Variants in RNF213 observed in about 807,000 individuals in gnomAD.
RNF213 encodes ring finger protein 213, also known as E3 ubiquitin-protein ligase RNF213.
RNF213 carries 341 observed loss-of-function variants against 514.4 expected under a neutral mutation model. That is an observed-to-expected ratio of 0.66 (90% CI 0.61 to 0.73). RNF213 has a LOEUF of 0.73. Ranked by LOEUF, RNF213 falls within the 30% of genes least tolerant of loss-of-function variation. The probability of loss-of-function intolerance (pLI) is 0.00; values close to 1 mark genes in which losing one functional copy is unlikely to be tolerated. For synonymous variants in RNF213, 2,655 were observed against 2,658.2 expected (o/e 1.00, Z 0.04); for missense variants, 5,767 against 6,615.6 (o/e 0.87, Z 4.45).
chr17:80,310,541 C>G (rs1274771622), intron 14 of RNF213, among the ~76,000 whole-genome samples: 1 of 151,230 alleles, frequency 6.6e-6, no homozygotes, highest in Non-Finnish European at 1.5e-5. Flanking sequence ...ATGTGAGCCA[C>G]TGCACCCAGC....
chr17:80,370,944 G>T (rs1599159890), intron 46 of RNF213, among the ~76,000 whole-genome samples: 2 of 152,266 alleles, frequency 1.3e-5, no homozygotes, highest in South Asian at 4.1e-4. Flanking sequence ...TCCACTATGA[G>T]CTTGTGAGCT....
chr17:80,353,029 C>CAGCT lies in RNF213; in HGVS notation c.10394_10397dup (p.Phe3467AlafsTer9). On this transcript the variant is annotated frameshift_variant, in exon 33 of 68. Coordinates refer to ENST00000582970, the MANE Select transcript of RNF213 (RefSeq NM_001256071.3). LOFTEE classifies it high-confidence loss of function. This position sits in a 1 kb window ranked among gnomAD's most constrained non-coding sequence, Gnocchi z 5.0. ...CAGGCTGCAGCATGTCACCATCAGC[C>CAGCT]AGCTGTTCGCGCCCGGAGACTTGCC... 1 of 1,613,502 alleles carries CAGCT rather than the reference C, an allele frequency of 6.2e-7. No individual in the cohort carries two copies. The highest frequency in any genetic ancestry group is 1.1e-5 in the South Asian group (1 of 91,086).
rs765498655 is a variant in RNF213, at chr17:80,347,257, T to C, written c.8922T>C (p.Pro2974=). 5.0e-6 allele frequency: 8 copies of C among 1,613,538 alleles called. No homozygotes were observed. In the South Asian group the frequency reaches 7.7e-5, roughly 16 times the overall value. ...FAAAKASNRK[P]SPQDIAQAVL... ...CAGCAAAGGCTTCAAATAGAAAGCC[T>C]TCCCCGCAAGACATTGCACAGGCTG... The change falls in exon 29 of 68, where the codon CCT becomes CCC. Residue 2974 remains proline (P), a synonymous_variant. Coordinates refer to ENST00000582970, the MANE Select transcript of RNF213 (RefSeq NM_001256071.3). This position sits in a 1 kb window ranked among gnomAD's most constrained non-coding sequence, Gnocchi z 7.2.
At chr17:80,384,904 C>T (rs898308701) in intron 59 of RNF213, 135 bp from the exon 60 acceptor site, 17 of 923,354 alleles carry the variant, frequency 1.8e-5, no homozygotes, top group East Asian at 1.8e-4. Flanking sequence ...TCAAGCTCCA[C>T]GCTGCATCAC....
chr17:80,263,634 G>A lies in RNF213; in HGVS notation c.-48G>A, dbSNP rs747177989. 9.3e-6 allele frequency: 14 copies of A among 1,507,638 alleles called. No individual in the cohort carries two copies. The highest frequency in any genetic ancestry group is 1.7e-4 in the Middle Eastern group (1 of 5,874). 93.4% of individuals were successfully genotyped at this position (1,507,638 alleles called of 1,614,324 possible). A position where few individuals can be genotyped will look rare whatever the true frequency, so the allele number is the denominator to read the frequency against. On this transcript the variant is annotated 5_prime_UTR_variant, in exon 2 of 68. Transcript: ENST00000582970. The surrounding 1 kb of genome is among the most constrained non-coding windows in gnomAD (Gnocchi z 4.9). ...ATGTAGTATATAGCAGGCTGCCAGC[G>A]ACTCCTGCTCTTGCTTCTGGATCTG...
chr17:80,348,443 G>T (rs1006842198), intron 29 of RNF213, among the ~76,000 whole-genome samples, 157 bp downstream of exon 29: 4 of 152,268 alleles, frequency 2.6e-5, no homozygotes, highest in Admixed American at 2.6e-4. Context: ...GTGGGGAGTA[G>T]GTCCAGTTAA....
At chr17:80,266,191 C>T (rs547846490) in intron 2 of RNF213, among the ~76,000 whole-genome samples, 1 of 151,538 alleles carries the variant, frequency 6.6e-6, no homozygotes, top group South Asian at 2.1e-4. Context: ...CCTGTAATCC[C>T]AGCACTTTGG....
At chr17:80,291,890 C>T (rs751345072) in intron 8 of RNF213, 63 bp downstream of exon 8, 2 of 1,548,974 alleles carry the variant, frequency 1.3e-6, no homozygotes, top group Non-Finnish European at 1.8e-6. Context: ...TCCCGCGGTA[C>T]TGGACGCGTC....
At position 80,291,653 on chromosome 17, in the gene RNF213, G is replaced by A. The variant is rs779710553; in HGVS notation, c.1297G>A (p.Val433Ile). 6.2e-7 allele frequency: 1 copy of A among 1,614,212 alleles called. No homozygotes were observed. The highest frequency in any genetic ancestry group is 2.2e-5 in the East Asian group (1 of 44,882). ...AGACTTGGGTCATGACCGCGTTCTT[G>A]TTGAAGGCATTGTCTGCATTTCCAA... ...TRDLGHDRVLVEGIVCISKKH... is the reference protein window; with the variant it reads ...TRDLGHDRVLIEGIVCISKKH... Residue 433 changes from valine to isoleucine, a missense_variant, in exon 8 of 68, where the codon GTT becomes ATT. Around this residue, in one of 13 missense-constraint regions of RNF213, gnomAD observed 592 missense variants for 673.9 expected, o/e 0.88. Transcript: ENST00000582970.
At chr17:80,287,684 T>G in intron 3 of RNF213, 131 bp from the exon 4 acceptor site, 1 of 871,808 alleles carries the variant, frequency 1.1e-6, no homozygotes. Flanking sequence ...ATTGCAGATT[T>G]AACAGATGTT....
Position 80,317,663 on chromosome 17 carries a change from C to T in RNF213, c.2901+386C>T, listed in dbSNP as rs142826262. On this transcript the variant is annotated intron_variant, in intron 16 of 67. Transcript: ENST00000582970. The surrounding 1 kb of genome is among the most constrained non-coding windows in gnomAD (Gnocchi z 4.1). Reference sequence around the variant, plus strand: ...TTTGGGAGCTGGCAGGAGCAAGCTCCGTGCAGGCCCTGCAGCAGTGCCCAG... The same window carrying T: ...TTTGGGAGCTGGCAGGAGCAAGCTCTGTGCAGGCCCTGCAGCAGTGCCCAG... 5.9e-5 allele frequency among the ~76,000 whole-genome samples: 9 copies of T among 152,294 alleles called. No homozygotes were observed. In the East Asian group the frequency reaches 1.2e-3, roughly 20 times the overall value.
chr17:80,319,741 T>G, intron 17 of RNF213: 1 of 1,374,288 alleles, frequency 7.3e-7, no homozygotes, highest in South Asian at 1.5e-5. Context: ...TTGTATCAAT[T>G]TATTTAGCTC....
intron 28 of RNF213, 116 bp downstream of exon 28, chr17:80,344,131 C>A: frequency 2.9e-6 from 3 of 1,034,822 alleles, no homozygotes; most frequent in Admixed American, 2.6e-5. Flanking sequence ...CTTAGTGCAG[C>A]AGCTGAATGC....
rs1311901861 is a variant in RNF213, at chr17:80,347,231, G to T, written c.8896G>T (p.Ala2966Ser). The stretch of plus-strand genomic sequence containing the variant: ...CAGCCTCATCAAAATGGTCTTTGCT[G>T]CAGCAAAGGCTTCAAATAGAAAGCC... ...YYSLIKMVFAAAKASNRKPSP... is the reference protein window; with the variant it reads ...YYSLIKMVFASAKASNRKPSP... Residue 2966 changes from alanine (A) to serine (S), a missense_variant, in exon 29 of 68, where the codon GCA (alanine) becomes TCA (serine). By Grantham distance (99) the Ala-to-Ser change is moderately conservative (BLOSUM62 1). Coordinates refer to ENST00000582970, the MANE Select transcript of RNF213 (RefSeq NM_001256071.3). The surrounding 1 kb of genome is among the most constrained non-coding windows in gnomAD (Gnocchi z 7.2). 6.2e-7 allele frequency: 1 copy of T among 1,613,174 alleles called. No homozygotes were observed. Among genetic ancestry groups the T allele is most frequent in the East Asian group, 2.2e-5 (1 of 44,872 alleles).
At chr17:80,354,762 G>A in intron 36 of RNF213, 186 bp downstream of exon 36, 1 of 697,606 alleles carries the variant, frequency 1.4e-6, no homozygotes, top group Non-Finnish European at 2.5e-6. Flanking sequence ...TGGCCAAATG[G>A]CAGGTGCTGG....
chr17:80,370,973 T>G (rs2079494580), intron 46 of RNF213, among the ~76,000 whole-genome samples: 1 of 151,962 alleles, frequency 6.6e-6, no homozygotes, highest in South Asian at 2.1e-4. Context: ...CTTAAAGACA[T>G]TTTGGGGCAA....
chr17:80,263,828 G>A lies in RNF213; in HGVS notation c.97+50G>A. ...GGCTGGGGCAGTGGGGACCCCTGGA[G>A]ATGTCTCACCTCCCTTCCAGGAAAT... is the stretch of plus-strand genomic sequence containing the variant. On this transcript the variant is annotated intron_variant, in intron 2 of 67. Transcript: ENST00000582970. This position sits in a 1 kb window ranked among gnomAD's most constrained non-coding sequence, Gnocchi z 4.9. 1 of 1,498,572 alleles carries A rather than the reference G, an allele frequency of 6.7e-7. No homozygotes were observed. The allele number at this position is 1,498,572 out of a possible 1,614,324, so 92.8% of individuals were successfully genotyped here.
intron 59 of RNF213, among the ~76,000 whole-genome samples, chr17:80,384,376 T>C (rs2080147299): frequency 6.6e-6 from 1 of 152,254 alleles, no homozygotes; most frequent in Admixed American, 6.5e-5. Flanking sequence ...GCTGGGGTAC[T>C]GGGGAGCAGT....
rs534026018 is a variant in RNF213, at chr17:80,346,230, A to G, written c.7895A>G (p.Glu2632Gly). The part of the protein sequence containing the change: ...SQGFMRKTED[E>G]CSFVSLRDVE... ...GGTTTCATGAGGAAAACAGAAGATG[A>G]GTGCAGCTTTGTCAGCCTCAGGGAC... The change falls in exon 29 of 68, where the codon GAG (glutamate) becomes GGG (glycine). Residue 2632 changes from glutamate to glycine, a missense_variant. By Grantham distance (98) the Glu-to-Gly change is moderately conservative. This residue lies in a region of RNF213 where 1,377 missense variants were observed against 1,635.2 expected (regional missense o/e 0.84). Transcript: ENST00000582970. The surrounding 1 kb of genome is among the most constrained non-coding windows in gnomAD (Gnocchi z 8.1). 7 of 1,614,162 alleles carry G rather than the reference A, an allele frequency of 4.3e-6. No homozygotes were observed. In the East Asian group the frequency reaches 1.1e-4, roughly 26 times the overall value.
Sources: gnomAD v4.1 joint callset for allele counts (sites outside exome capture counted in the v4.1 genomes callset) on GRCh38, gnomAD v4.1.1 for gene constraint, gnomAD v4.1.1 regional missense constraint, Gnocchi (gnomAD v3.1) non-coding constraint, MANE v1.5 for transcripts, NCBI Gene and HGNC (gene_info 2026-07-23, HGNC 2026-07-21) for gene names.